PHACTR2: variants seen among roughly 807,000 people sequenced by gnomAD.
The protein encoded by PHACTR2 is chromosome 6 open reading frame 56.
A neutral mutation model predicts 76.0 loss-of-function variants in PHACTR2; 30 were observed. The observed-to-expected ratio is 0.39, with a 90% CI of 0.30 to 0.54. The LOEUF is 0.54. Among genes scored for constraint, PHACTR2 ranks in the 20% least tolerant of loss-of-function variants. PHACTR2 has a pLI of 0.61. For synonymous variants in PHACTR2, 292 were observed against 292.5 expected (o/e 1.00, Z 0.02); for missense variants, 696 against 781.1 (o/e 0.89, Z 1.30).
intron 2 of PHACTR2, among the ~76,000 whole-genome samples, chr6:143,747,306 A>T (rs1779087850): frequency 6.6e-6 from 1 of 152,228 alleles, no homozygotes; most frequent in African/African-American, 2.4e-5. Context: ...AGGTTCTTCA[A>T]GAGACTAAGC....
Position 143,592,551 on chromosome 6 carries a change from T to G in PHACTR2, c.217+55344T>G, listed in dbSNP as rs1025853955. On this transcript the variant is annotated intron_variant, in intron 1 of 11. Transcript: ENST00000367584. The surrounding 1 kb of genome is among the most constrained non-coding windows in gnomAD (Gnocchi z 4.0). ...TAATACTCTATAGGGGCCATTCCCTTGATTTGGTCACTCATCCTCTTTCCG... is the reference window on the plus strand; with the variant it reads ...TAATACTCTATAGGGGCCATTCCCTGGATTTGGTCACTCATCCTCTTTCCG... Among the ~76,000 whole-genome samples the G allele has an allele frequency of 1.3e-5, 2 of 152,148 alleles. No individual in the cohort carries two copies. Among genetic ancestry groups the G allele is most frequent in the African/African-American group, 4.8e-5 (2 of 41,428 alleles).
intron 1 of PHACTR2, among the ~76,000 whole-genome samples, chr6:143,640,900 T>G (rs1363248486): frequency 6.6e-6 from 1 of 152,116 alleles, no homozygotes; most frequent in African/African-American, 2.4e-5. Context: ...TCCAGTAAGT[T>G]TCCTTATGAG....
chr6:143,810,694 T>C, intron 12 of PHACTR2: 1 of 325,422 alleles, frequency 3.1e-6, no homozygotes, highest in Non-Finnish European at 6.2e-6. Flanking sequence ...TAGCTTAGCA[T>C]GGTGGCACTT....
chr6:143,814,647 G>C (rs1329536600), intron 12 of PHACTR2, among the ~76,000 whole-genome samples: 2 of 140,056 alleles, frequency 1.4e-5, no homozygotes, highest in Admixed American at 7.3e-5. Flanking sequence ...CTGTCGCCCA[G>C]GCTGGAGTGC....
At position 143,611,042 on chromosome 6, in the gene PHACTR2, T is replaced by A. The variant is rs1436755293; in HGVS notation, c.13+2720T>A. Among the ~76,000 whole-genome samples, 1 of 152,194 alleles carries A rather than the reference T, an allele frequency of 6.6e-6. No homozygotes were observed. Among genetic ancestry groups the A allele is most frequent in the African/African-American group, 2.4e-5 (1 of 41,444 alleles). On this transcript the variant is annotated intron_variant, in intron 1 of 11. Transcript: ENST00000305766. The surrounding 1 kb of genome is among the most constrained non-coding windows in gnomAD (Gnocchi z 4.4). The stretch of plus-strand genomic sequence containing the variant: ...ATCCTCCTTACCTCCATCAAGTGGT[T>A]CTCGTGAATGAACTGTGATAAGACA...
chr6:143,796,397 TTCTTTC>T (rs1775822761), intron 11 of PHACTR2, among the ~76,000 whole-genome samples: 1 of 148,838 alleles, frequency 6.7e-6, no homozygotes, highest in African/African-American at 2.4e-5. Context: ...CTTTCTTTCT[TTCTTTC>T]TTTCTTTCTT....
At chr6:143,693,976 G>A (rs958845927) in intron 1 of PHACTR2, among the ~76,000 whole-genome samples, 12 of 152,184 alleles carry the variant, frequency 7.9e-5, no homozygotes, top group African/African-American at 2.4e-4. Context: ...GTCCAAGATG[G>A]GAGGATCACC....
In PHACTR2 at chr6:143,782,424, C is replaced by T. The variant is rs1546947; in HGVS notation, c.1646-795C>T. On this transcript the variant is annotated intron_variant, in intron 9 of 12. Transcript: ENST00000440869. The surrounding 1 kb of genome is among the most constrained non-coding windows in gnomAD (Gnocchi z 4.6). ...CTGATCAAACAGATGATCAGCTAAACGAAGCAACAGAGAGATGTTCCTCAA... is the reference window on the plus strand; with the variant it reads ...CTGATCAAACAGATGATCAGCTAAATGAAGCAACAGAGAGATGTTCCTCAA... Among the ~76,000 whole-genome samples, 1 of 151,920 alleles carries T rather than the reference C, an allele frequency of 6.6e-6. No homozygotes were observed. The highest frequency in any genetic ancestry group is 1.5e-5 in the Non-Finnish European group (1 of 67,996).
At position 143,671,080 on chromosome 6, in the gene PHACTR2, C is replaced by T. The variant is rs921690684; in HGVS notation, c.14-40936C>T. ...GAGTAGCTGGGATTACAGGAATGCG[C>T]CACCATGCCCAGCTAATTTTTGTAT... is the stretch of plus-strand genomic sequence containing the variant. On this transcript the variant is annotated intron_variant, in intron 1 of 11. Transcript: ENST00000305766. This position sits in a 1 kb window ranked among gnomAD's most constrained non-coding sequence, Gnocchi z 4.6. Among the ~76,000 whole-genome samples, 3 of 152,070 alleles carry T rather than the reference C, an allele frequency of 2.0e-5. No individual in the cohort carries two copies. The highest frequency in any genetic ancestry group is 7.2e-5 in the African/African-American group (3 of 41,404).
In PHACTR2 at chr6:143,700,023, C is replaced by T. The variant is rs1026687572; in HGVS notation, c.47-11993C>T. 6.6e-6 allele frequency among the ~76,000 whole-genome samples: 1 copy of T among 152,148 alleles called. No homozygotes were observed. Among genetic ancestry groups the T allele is most frequent in the South Asian group, 2.1e-4 (1 of 4,822 alleles). On this transcript the variant is annotated intron_variant, in intron 1 of 12. Transcript: ENST00000440869. The surrounding 1 kb of genome is among the most constrained non-coding windows in gnomAD (Gnocchi z 4.1). ...GGGATACTACATGTGGCCACGGTCT[C>T]TCCACAGATACCGGCCTTGGGGACC...
chr6:143,649,217 A>C (rs1776713283), intron 1 of PHACTR2, among the ~76,000 whole-genome samples: 1 of 152,202 alleles, frequency 6.6e-6, no homozygotes, highest in Non-Finnish European at 1.5e-5. Context: ...ATTCAAGCAC[A>C]AGGGTTAGGG....
Position 143,547,898 on chromosome 6 carries a change from A to C in PHACTR2, c.217+10691A>C. On this transcript the variant is annotated intron_variant, in intron 1 of 11. Coordinates refer to the PHACTR2 transcript ENST00000367584. This position sits in a 1 kb window ranked among gnomAD's most constrained non-coding sequence, Gnocchi z 4.2. ...TATGTATGTACGTATGTATCTATCTATCTATCTATCATCTATCTATCCATC... is the reference window on the plus strand; with the variant it reads ...TATGTATGTACGTATGTATCTATCTCTCTATCTATCATCTATCTATCCATC... 6.6e-6 allele frequency among the ~76,000 whole-genome samples: 1 copy of C among 152,030 alleles called. No homozygotes were observed. The highest frequency in any genetic ancestry group is 2.1e-4 in the South Asian group (1 of 4,818).
intron 1 of PHACTR2, among the ~76,000 whole-genome samples, chr6:143,694,867 G>A (rs930255488): frequency 3.9e-5 from 6 of 152,146 alleles, no homozygotes; most frequent in Non-Finnish European, 8.8e-5. Context: ...CTATCAATTC[G>A]TAAATCTCAC....
At chr6:143,643,101 G>A (rs1776596134) in intron 1 of PHACTR2, among the ~76,000 whole-genome samples, 1 of 152,142 alleles carries the variant, frequency 6.6e-6, no homozygotes. Context: ...AGATTTTATA[G>A]TGCATATATA....
rs916943846 is a variant in PHACTR2 at position 143,621,388 on chromosome 6, C to T, written c.13+13066C>T. Among the ~76,000 whole-genome samples the T allele has an allele frequency of 6.6e-6, 1 of 152,210 alleles. No individual in the cohort carries two copies. Among genetic ancestry groups the T allele is most frequent in the African/African-American group, 2.4e-5 (1 of 41,458 alleles). On this transcript the variant is annotated intron_variant, in intron 1 of 11. Coordinates refer to the PHACTR2 transcript ENST00000305766. The surrounding 1 kb of genome is among the most constrained non-coding windows in gnomAD (Gnocchi z 4.1). ...CCTCCTCGGTGCAGAAGGGCAAATC[C>T]TTCCCATAGTTCCTGCCTCTCTCTC...
In PHACTR2 at chr6:143,730,077, G is replaced by A. The variant is rs1182126316; in HGVS notation, c.214+17894G>A. On this transcript the variant is annotated intron_variant, in intron 2 of 12. Transcript: ENST00000440869. This position sits in a 1 kb window ranked among gnomAD's most constrained non-coding sequence, Gnocchi z 4.8. ...TATCTTGATTATTATAGCTTTATAA[G>A]TCTGAAAATTAGGTAGTGTGATTTT... 6.6e-6 allele frequency among the ~76,000 whole-genome samples: 1 copy of A among 152,010 alleles called. No homozygotes were observed. Among genetic ancestry groups the A allele is most frequent in the Non-Finnish European group, 1.5e-5 (1 of 67,994 alleles).
chr6:143,712,447 G>A (rs183273671), intron 2 of PHACTR2: 14 of 159,204 alleles, frequency 8.8e-5, no homozygotes, highest in African/African-American at 9.6e-5. Context: ...TTGGTGAGGC[G>A]AGGGAGTGAA....
At chr6:143,676,830 C>T (rs962545343), upstream of PHACTR2, among the ~76,000 whole-genome samples, 1 of 151,966 alleles carries the variant, frequency 6.6e-6, no homozygotes, top group African/African-American at 2.4e-5. The surrounding 1 kb of genome is among the most constrained non-coding windows in gnomAD (Gnocchi z 4.8). Flanking sequence ...AAAAGATCTT[C>T]CTCACAGTGG....
intron 2 of PHACTR2, among the ~76,000 whole-genome samples, chr6:143,713,059 C>T (rs1156688389): frequency 6.6e-6 from 1 of 152,298 alleles, no homozygotes; most frequent in African/African-American, 2.4e-5. Flanking sequence ...CCTCACTGCA[C>T]CACAGTCTAA....
Sources: gnomAD v4.1 joint callset for allele counts (sites outside exome capture counted in the v4.1 genomes callset) on GRCh38, gnomAD v4.1.1 for gene constraint, Gnocchi (gnomAD v3.1) non-coding constraint, MANE v1.5 for transcripts, NCBI Gene and HGNC (gene_info 2026-07-23, HGNC 2026-07-21) for gene names.